DSCAML1: variants seen among roughly 807,000 people sequenced by gnomAD.
DSCAML1 encodes DS cell adhesion molecule like 1.
Under a neutral mutation model 200.5 loss-of-function variants are expected in DSCAML1, and 38 were observed. The ratio of observed to expected loss-of-function variants is 0.19; its 90% CI spans 0.15 to 0.25. The LOEUF is 0.25. Among genes scored for constraint, DSCAML1 ranks in the 10% least tolerant of loss-of-function variants. The pLI is 1.00. For missense variants in DSCAML1, 2,223 were observed against 2,858.8 expected, an observed-to-expected ratio of 0.78 and a Z score of 5.07; for synonymous variants, 1,215 against 1,165.0, an observed-to-expected ratio of 1.04 and a Z score of -0.87.
intron 3 of DSCAML1, among the ~76,000 whole-genome samples, chr11:117,720,818 A>T (rs2054030435): frequency 6.6e-6 from 1 of 152,174 alleles, no homozygotes; most frequent in South Asian, 2.1e-4. Flanking sequence ...AGTACCTGAC[A>T]CATAATAAGT....
chr11:117,438,775 G>T, intron 24 of DSCAML1, 110 bp downstream of exon 24: 1 of 1,028,998 alleles, frequency 9.7e-7, no homozygotes, highest in Non-Finnish European at 1.3e-6. Context: ...TTGGCCCCCA[G>T]ATCGTTTCTG....
At chr11:117,713,604 G>T (rs1328260523) in intron 3 of DSCAML1, among the ~76,000 whole-genome samples, 1 of 152,150 alleles carries the variant, frequency 6.6e-6, no homozygotes, top group Non-Finnish European at 1.5e-5. Context: ...ATTTATAATG[G>T]TTATAAAAGA....
chr11:117,567,503 T>C (rs2050778473), intron 3 of DSCAML1, among the ~76,000 whole-genome samples: 1 of 152,170 alleles, frequency 6.6e-6, no homozygotes, highest in Non-Finnish European at 1.5e-5. Flanking sequence ...GAGTAGGTTG[T>C]GAAAATTTTC....
At chr11:117,467,686 T>C (rs2048611586) in intron 16 of DSCAML1, among the ~76,000 whole-genome samples, 1 of 152,208 alleles carries the variant, frequency 6.6e-6, no homozygotes, top group Non-Finnish European at 1.5e-5. Context: ...CTCTCTGCAC[T>C]TGGGCAGTTC....
chr11:117,512,239 C>T (rs1286843999), intron 8 of DSCAML1, among the ~76,000 whole-genome samples: 4 of 152,226 alleles, frequency 2.6e-5, no homozygotes, highest in Non-Finnish European at 5.9e-5. Flanking sequence ...ACTTCCTAGT[C>T]GGGCAGCAGC....
intron 3 of DSCAML1, among the ~76,000 whole-genome samples, chr11:117,563,016 C>G (rs933965934): frequency 1.3e-5 from 2 of 152,164 alleles, no homozygotes; most frequent in Non-Finnish European, 2.9e-5. Context: ...ATTACAATCA[C>G]TCATTGACGT....
At chr11:117,808,158 C>G (rs866868071) in intron 1 of DSCAML1, among the ~76,000 whole-genome samples, 3 of 152,188 alleles carry the variant, frequency 2.0e-5, no homozygotes, top group African/African-American at 7.2e-5. Context: ...GATACCACAG[C>G]AAGACAGACA....
chr11:117,436,129 G>C (rs2047910227), intron 26 of DSCAML1, among the ~76,000 whole-genome samples: 1 of 152,206 alleles, frequency 6.6e-6, no homozygotes, highest in Non-Finnish European at 1.5e-5. Context: ...CTTAAATTCT[G>C]ATATCCAGCT....
At chr11:117,709,828 G>C in intron 3 of DSCAML1, 1 of 453,080 alleles carries the variant, frequency 2.2e-6, no homozygotes, top group Non-Finnish European at 4.4e-6. Context: ...GTCCCAGCCT[G>C]GGACCGAGGG....
At chr11:117,699,955 G>T (rs2053640725) in intron 3 of DSCAML1, among the ~76,000 whole-genome samples, 1 of 152,216 alleles carries the variant, frequency 6.6e-6, no homozygotes. Context: ...GCTGACAGAG[G>T]GTCGAGAGTT....
chr11:117,781,922 C>T (rs928206850), intron 1 of DSCAML1, among the ~76,000 whole-genome samples: 5 of 152,236 alleles, frequency 3.3e-5, no homozygotes, highest in African/African-American at 1.2e-4. Context: ...ATCCCAGCAA[C>T]CCTGAATGTT....
intron 1 of DSCAML1, among the ~76,000 whole-genome samples, chr11:117,804,420 C>T (rs180716366): frequency 6.6e-4 from 100 of 152,336 alleles, no homozygotes; most frequent in Non-Finnish European, 1.2e-3. Context: ...CAGTCATGTA[C>T]ACATGCTTTT....
rs976381999 is a variant in DSCAML1 at position 117,503,743 on chromosome 11, T to C, written c.2359+102A>G. 6.7e-6 allele frequency: 9 copies of C among 1,344,314 alleles called. No homozygotes were observed. 83.3% of individuals were successfully genotyped at this position (1,344,314 alleles called of 1,614,324 possible). A position where few individuals can be genotyped will look rare whatever the true frequency, so the allele number is the denominator to read the frequency against. On this transcript the variant is annotated intron_variant, in intron 11 of 32. Transcript: ENST00000651296. The surrounding 1 kb of genome is among the most constrained non-coding windows in gnomAD (Gnocchi z 5.2). ...AGGAAGCCTTCCTGCCTCCCCTTCA[T>C]AGATGAAACGACGGAGACTAAGAGA...
At chr11:117,555,791 G>T (rs12800503) in intron 3 of DSCAML1, among the ~76,000 whole-genome samples, 14,312 of 152,004 alleles carry the variant, frequency 0.094, 809 homozygotes, top group African/African-American at 0.12. Flanking sequence ...GAGGGAGAGA[G>T]GGTCATGCTG....
chr11:117,661,125 A>T (rs1414872583), intron 3 of DSCAML1, among the ~76,000 whole-genome samples: 1 of 151,832 alleles, frequency 6.6e-6, no homozygotes, highest in Non-Finnish European at 1.5e-5. Flanking sequence ...TGGTCCAAGG[A>T]CTCTTTTCTT....
chr11:117,664,190 C>T (rs1321105157), intron 3 of DSCAML1, among the ~76,000 whole-genome samples: 3 of 152,260 alleles, frequency 2.0e-5, no homozygotes, highest in African/African-American at 4.8e-5. Flanking sequence ...AGCTCAGGGG[C>T]CCACATTCAG....
At chr11:117,559,095 A>G (rs938163208) in intron 3 of DSCAML1, among the ~76,000 whole-genome samples, 3 of 151,882 alleles carry the variant, frequency 2.0e-5, no homozygotes, top group Admixed American at 2.0e-4. Context: ...GTCTCCTTCC[A>G]TATATGGGGA....
chr11:117,748,279 G>A (rs2054549649), intron 3 of DSCAML1, among the ~76,000 whole-genome samples: 1 of 152,164 alleles, frequency 6.6e-6, no homozygotes, highest in Non-Finnish European at 1.5e-5. Flanking sequence ...ACTACCTCAT[G>A]AGGGAATCCA....
intron 3 of DSCAML1, among the ~76,000 whole-genome samples, chr11:117,624,521 T>C (rs2052002757): frequency 6.6e-6 from 1 of 152,130 alleles, no homozygotes. Context: ...TTGGGTTTTG[T>C]GTTTTGGCCT....
Sources: gnomAD v4.1 joint callset for allele counts (sites outside exome capture counted in the v4.1 genomes callset) on GRCh38, gnomAD v4.1.1 for gene constraint, Gnocchi (gnomAD v3.1) non-coding constraint, MANE v1.5 for transcripts, NCBI Gene and HGNC (gene_info 2026-07-23, HGNC 2026-07-21) for gene names.